The following DOCK11 variants were observed in gnomAD, a reference collection of about 807,000 sequenced individuals.
DOCK11 encodes the protein dedicator of cytokinesis protein 11.
A neutral mutation model predicts 169.1 loss-of-function variants in DOCK11; 70 were observed. The ratio of observed to expected loss-of-function variants is 0.41; its 90% confidence interval spans 0.34 to 0.51. DOCK11 has a LOEUF of 0.51. Ranked by LOEUF, DOCK11 falls within the 20% of genes least tolerant of loss-of-function variation. The pLI is 0.10. For missense variants in DOCK11, 1,166 were observed against 1,538.8 expected (o/e 0.76, Z 4.05); for synonymous variants, 529 against 541.3 (o/e 0.98, Z 0.32).
chrX:118,610,548 A>C, intron 28 of DOCK11, 130 bp downstream of exon 28: 1 of 711,625 alleles, frequency 1.4e-6, no homozygotes, highest in Non-Finnish European at 2.0e-6. Flanking sequence ...TAGGTTGCTT[A>C]CAAACGTTGG....
At chrX:118,587,149 C>T (rs144978204) in intron 16 of DOCK11, among the ~76,000 whole-genome samples, 2 of 112,114 alleles carry the variant, frequency 1.8e-5, no homozygotes, top group East Asian at 5.6e-4. Context: ...TGATGCTACA[C>T]TGATACCATG....
intron 16 of DOCK11, among the ~76,000 whole-genome samples, chrX:118,587,079 T>C (rs2013838681): frequency 8.9e-6 from 1 of 111,947 alleles, no homozygotes; most frequent in Non-Finnish European, 1.9e-5. Flanking sequence ...GCAGTGTTAT[T>C]TATATTGGAG....
At chrX:118,545,255 T>G in intron 4 of DOCK11, 68 bp from the exon 5 acceptor site, 2 of 767,083 alleles carry the variant, frequency 2.6e-6, no homozygotes, top group Non-Finnish European at 3.6e-6. Flanking sequence ...TATTGTTGTG[T>G]TTTTGTGTTG....
Position 118,578,659 on chromosome X carries a change from A to G in DOCK11, c.1512+12A>G. ...CTGATCCAGTAAAGGTAATTTATAAAGGTTGTTGATCAACATTTCACCTTA... is the reference window on the plus strand; with the variant it reads ...CTGATCCAGTAAAGGTAATTTATAAGGGTTGTTGATCAACATTTCACCTTA... On this transcript the variant is annotated intron_variant, in intron 13 of 52. Transcript: ENST00000276202. 1.7e-6 allele frequency: 2 copies of G among 1,189,150 alleles called. No homozygotes were observed. The highest frequency in any genetic ancestry group is 2.3e-6 in the Non-Finnish European group (2 of 883,276).
chrX:118,655,873 C>T (rs1408776321), intron 44 of DOCK11, among the ~76,000 whole-genome samples: 2 of 112,421 alleles, frequency 1.8e-5, no homozygotes, highest in African/African-American at 6.5e-5. Flanking sequence ...TGTACGAACA[C>T]AACCATATTT....
At chrX:118,614,658 T>G (rs2014764552) in intron 28 of DOCK11, 34 bp from the exon 29 acceptor site, 2 of 984,138 alleles carry the variant, frequency 2.0e-6, no homozygotes, top group Non-Finnish European at 2.8e-6. Context: ...TAGAATTATG[T>G]AATTAACCCT....
intron 1 of DOCK11, among the ~76,000 whole-genome samples, chrX:118,518,595 G>A (rs2057704052): frequency 1.8e-5 from 2 of 111,695 alleles, no homozygotes; most frequent in Admixed American, 9.6e-5. Flanking sequence ...TTTCCTCTTT[G>A]TAACTGAAAA....
intron 40 of DOCK11, among the ~76,000 whole-genome samples, chrX:118,648,015 A>T (rs867509175): frequency 1.9e-5 from 1 of 53,375 alleles, no homozygotes; most frequent in Non-Finnish European, 3.2e-5. Context: ...TATAATATAT[A>T]ATATAAATTA....
At position 118,675,927 on chromosome X, in the gene DOCK11, A is replaced by G; in HGVS notation, c.5200-9A>G. Reference sequence around the variant, plus strand: ...AAACAAAGCTGATTTGTATATTTTTATTTTTCAGAAACTTACTCAAGTTTA... The same window carrying G: ...AAACAAAGCTGATTTGTATATTTTTGTTTTTCAGAAACTTACTCAAGTTTA... On this transcript the variant is annotated splice_polypyrimidine_tract_variant and intron_variant, in intron 46 of 52. Transcript: ENST00000276202. The G allele has an allele frequency of 1.9e-6, 2 of 1,063,306 alleles. No individual in the cohort carries two copies. The highest frequency in any genetic ancestry group is 2.6e-6 in the Non-Finnish European group (2 of 783,994). The allele number at this position is 1,063,306 out of a possible 1,213,427, so 87.6% of individuals were successfully genotyped here.
chrX:118,550,763 A>G (rs758201656), intron 6 of DOCK11, among the ~76,000 whole-genome samples: 5 of 112,227 alleles, frequency 4.5e-5, no homozygotes, highest in African/African-American at 1.6e-4. Flanking sequence ...ATAGGAGGCT[A>G]AAGCTAAAGA....
At chrX:118,540,109 G>A (rs1207089784) in intron 1 of DOCK11, among the ~76,000 whole-genome samples, 1 of 105,359 alleles carries the variant, frequency 9.5e-6, no homozygotes, top group African/African-American at 3.5e-5. Flanking sequence ...GCTGAAGGAG[G>A]ATTTTCTTTT....
chrX:118,676,252 C>G (rs2016607179), intron 47 of DOCK11, among the ~76,000 whole-genome samples: 1 of 111,600 alleles, frequency 9.0e-6, no homozygotes, highest in Non-Finnish European at 1.9e-5. Context: ...TGATTTCTGT[C>G]AGTTTCATTT....
intron 6 of DOCK11, among the ~76,000 whole-genome samples, chrX:118,560,104 T>C (rs1347547232): frequency 9.0e-6 from 1 of 111,319 alleles, no homozygotes; most frequent in African/African-American, 3.3e-5. Context: ...CACTGATATA[T>C]ATTTTTGTCA....
chrX:118,616,514 C>A (rs1399018190), intron 30 of DOCK11, among the ~76,000 whole-genome samples: 3 of 106,122 alleles, frequency 2.8e-5, no homozygotes, highest in Non-Finnish European at 5.8e-5. Flanking sequence ...GGATGGGGAA[C>A]TGGAAGTTAC....
At chrX:118,533,346 G>A (rs1458639540) in intron 1 of DOCK11, among the ~76,000 whole-genome samples, 1 of 111,697 alleles carries the variant, frequency 9.0e-6, no homozygotes, top group Non-Finnish European at 1.9e-5. Flanking sequence ...TTAAAATATT[G>A]GTGGGCCCAA....
At chrX:118,572,621 TA>T (rs2013314455) in intron 11 of DOCK11, among the ~76,000 whole-genome samples, 158 bp downstream of exon 11, 1 of 112,083 alleles carries the variant, frequency 8.9e-6, no homozygotes, top group Non-Finnish European at 1.9e-5. Context: ...TTTATATATA[TA>T]AAAAAGAAAT....
chrX:118,584,377 A>G (rs978325749), intron 14 of DOCK11, among the ~76,000 whole-genome samples: 4 of 112,649 alleles, frequency 3.6e-5, no homozygotes, highest in African/African-American at 6.5e-5. Flanking sequence ...GTGAATATGT[A>G]GTTCATTTTG....
intron 9 of DOCK11, among the ~76,000 whole-genome samples, chrX:118,567,666 C>T (rs1251797547): frequency 1.8e-5 from 2 of 110,873 alleles, no homozygotes; most frequent in Non-Finnish European, 3.8e-5. Context: ...CTCCTGGCCT[C>T]GAGTGATCCA....
intron 1 of DOCK11, among the ~76,000 whole-genome samples, chrX:118,513,447 A>G (rs920473052): frequency 1.8e-5 from 2 of 111,544 alleles, no homozygotes; most frequent in Non-Finnish European, 3.8e-5. Flanking sequence ...ATCTGGAATT[A>G]TGGAATCAGA....
Sources: allele counts gnomAD v4.1 joint callset (sites outside exome capture counted in the v4.1 genomes callset), GRCh38; gene constraint gnomAD v4.1.1; transcripts MANE v1.5; gene names NCBI Gene and HGNC (gene_info 2026-07-23, HGNC 2026-07-21).